The following LARP1B variants were observed in gnomAD, a reference collection of about 807,000 sequenced individuals.
LARP1B encodes La ribonucleoprotein 1B.
Under a neutral mutation model 114.2 loss-of-function variants are expected in LARP1B, and 76 were observed. That is an observed-to-expected ratio of 0.67 (90% CI 0.55 to 0.81). The LOEUF is 0.81. Among genes scored for constraint, LARP1B ranks in the 30% least tolerant of loss-of-function variants. LARP1B has a pLI of 0.00. For synonymous variants in LARP1B, 345 were observed against 348.0 expected (o/e 0.99, Z 0.10); for missense variants, 1,014 against 1,075.8 (o/e 0.94, Z 0.80).
intron 8 of LARP1B, among the ~76,000 whole-genome samples, chr4:128,101,065 G>A (rs984254719): frequency 3.3e-5 from 5 of 151,342 alleles, no homozygotes; most frequent in African/African-American, 1.2e-4. Context: ...TGATCCACCT[G>A]CCTCGGCCTC....
At chr4:128,067,544 T>C (rs751699166) in intron 1 of LARP1B, among the ~76,000 whole-genome samples, 73 of 152,250 alleles carry the variant, frequency 4.8e-4, no homozygotes, top group Non-Finnish European at 5.3e-4. Context: ...ACTTTTAGGA[T>C]GATTTTGATC....
intron 12 of LARP1B, among the ~76,000 whole-genome samples, chr4:128,171,107 T>C (rs1391870502): frequency 6.4e-5 from 4 of 62,142 alleles, no homozygotes; most frequent in African/African-American, 2.7e-4. Flanking sequence ...CCATAGAGAT[T>C]TTTTTTTTTT....
Position 128,202,007 on chromosome 4 carries a change from C to T in LARP1B, c.2309+1342C>T, listed in dbSNP as rs191089286. ...ACAAATACATTTTTCTGATTAAAAT[C>T]ACAAAAATTTCTTTGTGTTGACTTA... On this transcript the variant is annotated intron_variant, in intron 17 of 19. Transcript: ENST00000326639. Among the ~76,000 whole-genome samples, 416 of 152,190 alleles carry T rather than the reference C, an allele frequency of 2.7e-3. 3 individuals carry two copies. Among genetic ancestry groups the T allele is most frequent in the African/African-American group, 9.5e-3 (395 of 41,522 alleles).
intron 7 of LARP1B, chr4:128,220,466 CT>C (rs2150987338): frequency 3.1e-6 from 1 of 322,032 alleles, no homozygotes; most frequent in African/African-American, 2.2e-5. Flanking sequence ...TTTTTGAGAC[CT>C]CTTACTCCAT....
intron 1 of LARP1B, among the ~76,000 whole-genome samples, chr4:128,065,315 T>TCTC (rs1762221864): frequency 1.2e-5 from 1 of 80,592 alleles, no homozygotes; most frequent in Non-Finnish European, 2.7e-5. Flanking sequence ...CTTTCTTTCT[T>TCTC]TCTCTCTCTC....
chr4:128,180,813 G>C (rs1748073094), intron 15 of LARP1B, among the ~76,000 whole-genome samples: 1 of 152,168 alleles, frequency 6.6e-6, no homozygotes, highest in South Asian at 2.1e-4. Context: ...AATATATTTA[G>C]TTTTGTAAGA....
At chr4:128,212,912 CT>C (rs1174891101), downstream of LARP1B, among the ~76,000 whole-genome samples, 6,911 of 83,596 alleles carry the variant, frequency 0.083, 263 homozygotes, top group African/African-American at 0.26. Context: ...AAATCTCTCT[CT>C]TTTTTTTTTT....
intron 9 of LARP1B, chr4:128,108,201 AATT>A (rs1412815661): frequency 3.3e-6 from 4 of 1,199,472 alleles, no homozygotes; most frequent in Non-Finnish European, 4.1e-6. Flanking sequence ...TGGGAAAGTT[AATT>A]ATTATTATTC....
intron 11 of LARP1B, chr4:128,123,523 C>A: frequency 4.3e-6 from 2 of 460,726 alleles, no homozygotes; most frequent in Non-Finnish European, 5.7e-6. Context: ...ATCTATAATT[C>A]TATATATTTT....
At chr4:128,201,938 G>C (rs1756092562) in intron 17 of LARP1B, among the ~76,000 whole-genome samples, 1 of 152,046 alleles carries the variant, frequency 6.6e-6, no homozygotes, top group Non-Finnish European at 1.5e-5. Context: ...AGAATATATT[G>C]TTTACCAGAT....
At chr4:128,117,984 C>G (rs1270723845) in intron 10 of LARP1B, among the ~76,000 whole-genome samples, 1 of 144,226 alleles carries the variant, frequency 6.9e-6, no homozygotes, top group Non-Finnish European at 1.5e-5. Flanking sequence ...GGCGCGATCT[C>G]TGCTCACTGC....
chr4:128,097,635 G>A (rs1431516771), intron 7 of LARP1B, among the ~76,000 whole-genome samples: 1 of 152,126 alleles, frequency 6.6e-6, no homozygotes, highest in Non-Finnish European at 1.5e-5. Flanking sequence ...ACTAAGAATT[G>A]TGCTGGTTAC....
intron 9 of LARP1B, among the ~76,000 whole-genome samples, chr4:128,113,064 A>T (rs752664110): frequency 1.3e-5 from 2 of 152,214 alleles, no homozygotes; most frequent in Non-Finnish European, 2.9e-5. Context: ...TGCATTTAAC[A>T]TTTAACTTCT....
At chr4:128,114,866 A>G (rs1034847958) in intron 10 of LARP1B, 124 bp downstream of exon 10, 3 of 748,960 alleles carry the variant, frequency 4.0e-6, no homozygotes, top group Non-Finnish European at 6.5e-6. Context: ...TAACTTTGTA[A>G]TTGTTGGCCT....
At chr4:128,069,692 C>A in intron 1 of LARP1B, 2 of 400,820 alleles carry the variant, frequency 5.0e-6, no homozygotes, top group Non-Finnish European at 9.0e-6. Flanking sequence ...TTTATTAATC[C>A]CTTACTTGTA....
chr4:128,099,639 G>T (rs960731301), intron 8 of LARP1B, among the ~76,000 whole-genome samples: 9 of 151,972 alleles, frequency 5.9e-5, no homozygotes, highest in Non-Finnish European at 1.2e-4. Flanking sequence ...CCATTCACTT[G>T]TTGGTGGACA....
At chr4:128,127,567 C>T (rs1002983988) in intron 11 of LARP1B, among the ~76,000 whole-genome samples, 1 of 152,194 alleles carries the variant, frequency 6.6e-6, no homozygotes, top group African/African-American at 2.4e-5. Flanking sequence ...GGCACGGTGG[C>T]TCACGCCTGT....
chr4:128,133,586 A>G lies in LARP1B; in HGVS notation c.1524+11398A>G, dbSNP rs552476623. Among the ~76,000 whole-genome samples, 23 of 152,364 alleles carry G rather than the reference A, an allele frequency of 1.5e-4. No homozygotes were observed. The East Asian group carries it at 4.4e-3, about 29-fold the overall frequency. ...AAAAGAAGAAATTTGGAAGCTTCAGACTTCCTGCTTGTTACAGTAATCAAA... is the reference window on the plus strand; with the variant it reads ...AAAAGAAGAAATTTGGAAGCTTCAGGCTTCCTGCTTGTTACAGTAATCAAA... On this transcript the variant is annotated intron_variant, in intron 11 of 19. Transcript: ENST00000326639.
intron 11 of LARP1B, among the ~76,000 whole-genome samples, chr4:128,149,791 T>G (rs1381519058): frequency 6.6e-6 from 1 of 152,188 alleles, no homozygotes; most frequent in Non-Finnish European, 1.5e-5. Flanking sequence ...TTGAACTTTT[T>G]AAGGTATTAA....
Sources: allele counts gnomAD v4.1 joint callset (sites outside exome capture counted in the v4.1 genomes callset), GRCh38; gene constraint gnomAD v4.1.1; transcripts MANE v1.5; gene names NCBI Gene and HGNC (gene_info 2026-07-23, HGNC 2026-07-21).